Variants in ANK2 observed in about 807,000 individuals in gnomAD.
ANK2 encodes ankyrin 2.
In ANK2, 83 loss-of-function variants were observed where a neutral mutation model predicts 360.5. The ratio of observed to expected loss-of-function variants is 0.23; its 90% CI spans 0.19 to 0.28. ANK2 has a LOEUF of 0.28. Ranked by LOEUF, ANK2 falls within the 10% of genes least tolerant of loss-of-function variation. The pLI is 1.00. For missense variants in ANK2, 4,201 were observed against 4,795.7 expected (o/e 0.88, Z 3.66); for synonymous variants, 1,740 against 1,759.5 (o/e 0.99, Z 0.28).
At chr4:112,825,008 C>T (rs2058096265) in intron 1 of ANK2, among the ~76,000 whole-genome samples, 1 of 152,110 alleles carries the variant, frequency 6.6e-6, no homozygotes, top group Admixed American at 6.5e-5. Context: ...ATTATGCAGC[C>T]ATAAAAAATG....
intron 22 of ANK2, among the ~76,000 whole-genome samples, chr4:113,299,560 C>T (rs372779602): frequency 1.3e-5 from 2 of 152,002 alleles, no homozygotes; most frequent in African/African-American, 2.4e-5. Context: ...CACAAATGAG[C>T]CAGGCGTGCT....
chr4:112,885,124 C>A (rs2077878697), intron 1 of ANK2, among the ~76,000 whole-genome samples: 1 of 152,144 alleles, frequency 6.6e-6, no homozygotes, highest in Non-Finnish European at 1.5e-5. Context: ...CAATACTTGC[C>A]CTTTTTTTCT....
At chr4:113,359,571 C>T (rs1307345964) in intron 38 of ANK2, among the ~76,000 whole-genome samples, 4 of 152,114 alleles carry the variant, frequency 2.6e-5, no homozygotes, top group Non-Finnish European at 4.4e-5. Context: ...AGCCTCTGCA[C>T]GTAATAAGGC....
chr4:113,153,978 A>G (rs1345184763), intron 1 of ANK2, among the ~76,000 whole-genome samples: 1 of 152,248 alleles, frequency 6.6e-6, no homozygotes, highest in Admixed American at 6.5e-5. Flanking sequence ...ATGTAACATC[A>G]GCACATAAGA....
chr4:112,796,711 A>C, the ANK2 span, among the ~76,000 whole-genome samples: 37,208 of 149,494 alleles, frequency 0.25, 5,067 homozygotes, highest in East Asian at 0.53. Flanking sequence ...TCAAATAGGT[A>C]CAGTGGTATG....
intron 2 of ANK2, among the ~76,000 whole-genome samples, chr4:112,947,184 C>T (rs1033249341): frequency 8.5e-5 from 13 of 152,110 alleles, no homozygotes; most frequent in Non-Finnish European, 1.6e-4. Flanking sequence ...TAATGTTATG[C>T]CCTTCAATGA....
At chr4:112,796,033 C>T in the ANK2 span, among the ~76,000 whole-genome samples, 3 of 151,956 alleles carry the variant, frequency 2.0e-5, no homozygotes, top group Middle Eastern at 0.01. Flanking sequence ...CTCCTGGACT[C>T]AAGTGGTCCA....
chr4:112,762,998 A>G, the ANK2 span, among the ~76,000 whole-genome samples: 3 of 152,260 alleles, frequency 2.0e-5, no homozygotes, highest in Non-Finnish European at 4.4e-5. Context: ...TCACTGGGAG[A>G]AAATTAAATT....
the ANK2 span, among the ~76,000 whole-genome samples, chr4:112,806,501 C>T: frequency 2.6e-5 from 4 of 152,128 alleles, no homozygotes; most frequent in African/African-American, 4.8e-5. Flanking sequence ...GTGAACAGTG[C>T]TGTAATAAAC....
At chr4:112,756,698 T>A in the ANK2 span, among the ~76,000 whole-genome samples, 1 of 152,158 alleles carries the variant, frequency 6.6e-6, no homozygotes, top group East Asian at 1.9e-4. Flanking sequence ...AAAAATTAGA[T>A]CTTGTGGCTC....
chr4:112,968,881 T>C (rs1195191605), intron 2 of ANK2, among the ~76,000 whole-genome samples: 6 of 152,196 alleles, frequency 3.9e-5, no homozygotes, highest in African/African-American at 1.4e-4. Flanking sequence ...AATTTGGTAA[T>C]AGATCCCTAG....
At chr4:112,821,794 GGTCT>G (rs1418286315) in intron 1 of ANK2, among the ~76,000 whole-genome samples, 2 of 145,812 alleles carry the variant, frequency 1.4e-5, no homozygotes, top group East Asian at 2.0e-4. Context: ...TTTGAGAAAG[GGTCT>G]GTCTGTCACC....
chr4:112,867,059 T>C (rs1159527058), intron 1 of ANK2, among the ~76,000 whole-genome samples: 3 of 152,110 alleles, frequency 2.0e-5, no homozygotes, highest in Non-Finnish European at 4.4e-5. Context: ...TTAAAAGTTA[T>C]TATGTATTGT....
intron 2 of ANK2, among the ~76,000 whole-genome samples, chr4:112,918,278 G>A (rs2090491798): frequency 6.6e-6 from 1 of 152,092 alleles, no homozygotes; most frequent in Non-Finnish European, 1.5e-5. Context: ...AGTCTGCCCC[G>A]GCTCAGGGAG....
At position 113,381,970 on chromosome 4, in the gene ANK2, T is replaced by A. The variant is rs1223085982; in HGVS notation, c.*499T>A. ...ATCAGAAGAACTTCACCTGCAGACCTCTTCAAGTGACACTATGTAGGAATC... is the reference window on the plus strand; with the variant it reads ...ATCAGAAGAACTTCACCTGCAGACCACTTCAAGTGACACTATGTAGGAATC... On this transcript the variant is annotated 3_prime_UTR_variant, in exon 46 of 46. Coordinates refer to ENST00000357077, the MANE Select transcript of ANK2 (RefSeq NM_001148.6). 6 of 314,636 alleles carry A rather than the reference T, an allele frequency of 1.9e-5. No individual in the cohort carries two copies. The highest frequency in any genetic ancestry group is 1.3e-4 in the African/African-American group (6 of 46,444). 19.5% of individuals were successfully genotyped at this position (314,636 alleles called of 1,614,324 possible).
At chr4:113,208,531 C>G (rs1415696327) in intron 4 of ANK2, among the ~76,000 whole-genome samples, 1 of 151,556 alleles carries the variant, frequency 6.6e-6, no homozygotes, top group Non-Finnish European at 1.5e-5. Context: ...GAGATGGAAT[C>G]TCACTCTGTC....
At chr4:113,373,566 T>C (rs1203820825) in intron 45 of ANK2, 117 bp downstream of exon 45, 2 of 1,166,420 alleles carry the variant, frequency 1.7e-6, no homozygotes, top group Middle Eastern at 1.9e-4. Flanking sequence ...CATGTGGCAG[T>C]TTGCTCTTAG....
chr4:112,783,219 T>G, the ANK2 span, among the ~76,000 whole-genome samples: 1 of 152,202 alleles, frequency 6.6e-6, no homozygotes, highest in South Asian at 2.1e-4. Flanking sequence ...TAAATAGCTT[T>G]TCTAGGGTCA....
chr4:112,974,195 C>A (rs1249231968), intron 2 of ANK2, among the ~76,000 whole-genome samples: 1 of 152,178 alleles, frequency 6.6e-6, no homozygotes, highest in Non-Finnish European at 1.5e-5. Flanking sequence ...TTTTCATGAA[C>A]CTTCTCAGTC....
Sources: allele counts gnomAD v4.1 joint callset (sites outside exome capture counted in the v4.1 genomes callset), GRCh38; gene constraint gnomAD v4.1.1; transcripts MANE v1.5; gene names NCBI Gene and HGNC (gene_info 2026-07-23, HGNC 2026-07-21).